The following GLIS3 variants were observed in gnomAD, a reference collection of about 807,000 sequenced individuals.
GLIS3 encodes the protein GLIS family zinc finger 3.
GLIS3 carries 53 observed loss-of-function variants against 78.6 expected under a neutral mutation model. The observed-to-expected ratio is 0.67, with a 90% CI of 0.54 to 0.85. The LOEUF (loss-of-function observed/expected upper bound fraction) is 0.85. GLIS3 is among the 40% of genes least tolerant of loss of function. The pLI, the probability that GLIS3 is intolerant of heterozygous loss-of-function variation, is 0.00. For synonymous variants in GLIS3, 684 were observed against 509.9 expected (o/e 1.34, Z -4.60); for missense variants, 1,703 against 1,231.1 (o/e 1.38, Z -5.74).
intron 6 of GLIS3, among the ~76,000 whole-genome samples, chr9:3,903,589 C>T (rs957143645): frequency 6.6e-6 from 1 of 152,122 alleles, no homozygotes; most frequent in Non-Finnish European, 1.5e-5. Flanking sequence ...ATTCATTTGT[C>T]GAACAAATAT....
At chr9:4,309,412 G>C (rs543379788) in intron 3 of GLIS3, among the ~76,000 whole-genome samples, 17 of 152,248 alleles carry the variant, frequency 1.1e-4, no homozygotes, top group South Asian at 6.2e-4. Flanking sequence ...TGGTTGGGGC[G>C]GGGGGAGCAC....
chr9:4,299,955 T>A lies in GLIS3; in HGVS notation c.-633A>T, dbSNP rs1554653606. On this transcript the variant is annotated 5_prime_UTR_variant, in exon 1 of 11. Coordinates refer to ENST00000381971, the MANE Select transcript of GLIS3 (RefSeq NM_001042413.2). ...CCGCGGCACTCGCCGCCGGTGCCCG[T>A]GCGCGCCGCGCTCTGGGCTGCCCGG... 2.0e-5 allele frequency: 3 copies of A among 151,532 alleles called. No individual in the cohort carries two copies. The highest frequency in any genetic ancestry group is 4.4e-5 in the Non-Finnish European group (3 of 67,946). 9.4% of individuals were successfully genotyped at this position (151,532 alleles called of 1,614,324 possible).
At chr9:4,304,419 G>T (rs950369379), upstream of GLIS3, among the ~76,000 whole-genome samples, 6 of 152,146 alleles carry the variant, frequency 3.9e-5, no homozygotes, top group African/African-American at 1.2e-4. Context: ...AAAATTCAAA[G>T]ACTTTATGCA....
At chr9:4,123,829 A>G (rs1832369507) in intron 3 of GLIS3, 2 of 398,160 alleles carry the variant, frequency 5.0e-6, no homozygotes, top group South Asian at 2.5e-4. Context: ...GTACTTTTCC[A>G]TGTTTTCCAC....
At chr9:4,343,229 C>A (rs897795355) in intron 2 of GLIS3, among the ~76,000 whole-genome samples, 2 of 152,090 alleles carry the variant, frequency 1.3e-5, no homozygotes, top group African/African-American at 4.8e-5. Flanking sequence ...GTGGTCCCAG[C>A]TACTTGAAAG....
intron 2 of GLIS3, among the ~76,000 whole-genome samples, chr9:4,155,338 C>T (rs1243010513): frequency 6.6e-6 from 1 of 152,168 alleles, no homozygotes; most frequent in Non-Finnish European, 1.5e-5. Flanking sequence ...CAGTGGATTA[C>T]ACCTGGAACC....
At chr9:4,006,208 T>C (rs1025720405) in intron 4 of GLIS3, among the ~76,000 whole-genome samples, 2 of 151,084 alleles carry the variant, frequency 1.3e-5, no homozygotes, top group Non-Finnish European at 2.9e-5. Flanking sequence ...ACTCTCTTTT[T>C]CACGCTCCTT....
chr9:4,438,348 A>C, the GLIS3 span, among the ~76,000 whole-genome samples: 1 of 152,226 alleles, frequency 6.6e-6, no homozygotes, highest in African/African-American at 2.4e-5. Context: ...TGTTTTAGTA[A>C]TGAAGTTTAT....
intron 4 of GLIS3, among the ~76,000 whole-genome samples, chr9:4,091,719 G>C (rs1325395778): frequency 1.3e-5 from 2 of 152,252 alleles, no homozygotes; most frequent in East Asian, 3.9e-4. Flanking sequence ...GGATGTGTTT[G>C]CTTTCCCTTC....
At chr9:4,454,689 G>A in the GLIS3 span, among the ~76,000 whole-genome samples, 1 of 152,104 alleles carries the variant, frequency 6.6e-6, no homozygotes. Flanking sequence ...TCTATTGCAG[G>A]GAATATATTT....
intron 4 of GLIS3, among the ~76,000 whole-genome samples, chr9:4,095,384 T>G (rs574148571): frequency 8.5e-5 from 13 of 152,274 alleles, no homozygotes; most frequent in African/African-American, 3.1e-4. Flanking sequence ...ACCTACAAAT[T>G]ATATGTACTA....
At chr9:4,137,436 T>C (rs940844046) in intron 2 of GLIS3, among the ~76,000 whole-genome samples, 2 of 152,150 alleles carry the variant, frequency 1.3e-5, no homozygotes, top group Non-Finnish European at 2.9e-5. Flanking sequence ...TCACCAGCAT[T>C]ACTCACTGCA....
rs140781787 is a variant in GLIS3, at chr9:3,959,295, C to G, written c.1711-22106G>C. On this transcript the variant is annotated intron_variant, in intron 4 of 10. Coordinates refer to ENST00000381971, the MANE Select transcript of GLIS3 (RefSeq NM_001042413.2). ...CTGTCCATCAGCCAGGAAGTAGGCT[C>G]TCACCAGACACTGCATTTGCTGGCA... 2.9e-3 allele frequency among the ~76,000 whole-genome samples: 439 copies of G among 152,344 alleles called. 4 individuals carry two copies. Among genetic ancestry groups the G allele is most frequent in the African/African-American group, 0.01 (417 of 41,574 alleles).
At chr9:4,444,132 A>T in the GLIS3 span, among the ~76,000 whole-genome samples, 63 of 152,298 alleles carry the variant, frequency 4.1e-4, no homozygotes, top group African/African-American at 1.5e-3. Flanking sequence ...GGACAAAGTG[A>T]TGGGAGCTAT....
intron 2 of GLIS3, among the ~76,000 whole-genome samples, chr9:4,343,560 T>G (rs967723989): frequency 6.6e-6 from 1 of 152,232 alleles, no homozygotes. Context: ...ATCCCATTAC[T>G]TGGTATATGC....
intron 4 of GLIS3, among the ~76,000 whole-genome samples, chr9:3,964,804 G>A (rs947557074): frequency 1.3e-5 from 2 of 152,168 alleles, no homozygotes; most frequent in African/African-American, 4.8e-5. Flanking sequence ...TAGGACATGA[G>A]TGTGAGGTAA....
chr9:3,866,084 C>T (rs1479725677), intron 8 of GLIS3, among the ~76,000 whole-genome samples: 1 of 152,138 alleles, frequency 6.6e-6, no homozygotes, highest in Admixed American at 6.5e-5. Flanking sequence ...TAACCACTCT[C>T]AGAAATAACA....
chr9:3,888,571 G>C (rs1275617813), intron 7 of GLIS3, among the ~76,000 whole-genome samples: 1 of 152,188 alleles, frequency 6.6e-6, no homozygotes, highest in African/African-American at 2.4e-5. Context: ...AGCCCTTCTG[G>C]AGAATTACGC....
the GLIS3 span, among the ~76,000 whole-genome samples, chr9:4,467,714 T>G: frequency 6.6e-6 from 1 of 152,084 alleles, no homozygotes; most frequent in East Asian, 1.9e-4. Context: ...ATTCTAAAAA[T>G]CAGAGGGCCT....
Sources: allele counts gnomAD v4.1 joint callset (sites outside exome capture counted in the v4.1 genomes callset), GRCh38; gene constraint gnomAD v4.1.1; transcripts MANE v1.5; gene names NCBI Gene and HGNC (gene_info 2026-07-23, HGNC 2026-07-21).